ZNF397: variants seen among roughly 807,000 people sequenced by gnomAD.
The protein encoded by ZNF397 is zinc finger protein 397.
Under a neutral mutation model 50.6 loss-of-function variants are expected in ZNF397, and 38 were observed. That is an observed-to-expected ratio of 0.75 (90% CI 0.58 to 0.98). The LOEUF is 0.98. Among genes scored for constraint, ZNF397 ranks in the 50% least tolerant of loss-of-function variants. The pLI is 0.00. For synonymous variants in ZNF397, 228 were observed against 215.2 expected, an observed-to-expected ratio of 1.06 and a Z score of -0.52; for missense variants, 624 against 624.1, an observed-to-expected ratio of 1.00 and a Z score of 0.00.
At chr18:35,256,262 A>C (rs1383322352) in intron 5 of ZNF397, 2 of 152,240 alleles carry the variant, frequency 1.3e-5, no homozygotes, top group Non-Finnish European at 2.9e-5. Flanking sequence ...AGACAAATAG[A>C]GATTACAAGT....
chr18:35,245,781 A>G lies in ZNF397; in HGVS notation c.1076A>G (p.His359Arg), dbSNP rs779267478. ...AATCAGAGCTCAGCCCTCATTAGAC[A>G]TCGGAAAATCCATACTGGTGAGAAA... is the stretch of plus-strand genomic sequence containing the variant. ...AFNQSSALIR[H>R]RKIHTGEKAC... The change falls in exon 4 of 4, where the codon CAT (histidine) becomes CGT (arginine). Residue 359 changes from histidine (H) to arginine (R), a missense_variant. By Grantham distance (29) the His-to-Arg change is conservative. Transcript: ENST00000330501. 35 of 1,552,122 alleles carry G rather than the reference A, an allele frequency of 2.3e-5. No individual in the cohort carries two copies. Among genetic ancestry groups the G allele is most frequent in the African/African-American group, 5.5e-5 (4 of 73,070 alleles).
chr18:35,247,077 C>G lies in ZNF397; in HGVS notation c.*767C>G. ...AAGGTGGTACTCTAGGGAAGTGGTA[C>G]CCCAGTAAAGAACAGTAGCCAAAGG... On this transcript the variant is annotated 3_prime_UTR_variant, in exon 4 of 4. Transcript: ENST00000330501. 1.0e-6 allele frequency: 1 copy of G among 984,258 alleles called. No individual in the cohort carries two copies. Among genetic ancestry groups the G allele is most frequent in the Non-Finnish European group, 1.2e-6 (1 of 829,012 alleles). 61.0% of individuals were successfully genotyped at this position (984,258 alleles called of 1,614,324 possible). A position where few individuals can be genotyped will look rare whatever the true frequency, so the allele number is the denominator to read the frequency against.
downstream of ZNF397, chr18:35,259,211 TGAGA>T (rs1412558209): frequency 1.3e-5 from 2 of 152,146 alleles, no homozygotes; most frequent in Non-Finnish European, 2.9e-5. Context: ...TTGTTGTTGT[TGAGA>T]TAGTCTCACT....
In ZNF397 at chr18:35,246,424, G is replaced by A; in HGVS notation, c.*114G>A. 1 of 1,452,424 alleles carries A rather than the reference G, an allele frequency of 6.9e-7. No homozygotes were observed. Among genetic ancestry groups the A allele is most frequent in the East Asian group, 2.5e-5 (1 of 40,120 alleles). The allele number at this position is 1,452,424 out of a possible 1,614,324, so 90.0% of individuals were successfully genotyped here. ...AAGGTTATAAAATACTAGGTCTTGA[G>A]TCTAGCTTGCTTTGTGCAGCATTTC... On this transcript the variant is annotated 3_prime_UTR_variant, in exon 4 of 4. Transcript: ENST00000330501.
rs1912598668 is a variant in ZNF397 at position 35,242,614 on chromosome 18, G to A, written c.144G>A (p.Leu48=). Reference sequence around the variant, plus strand: ...GGAGTACTCAATCCTGCCAAGAATTGTTTCGTCAGCAATTCAGAAAATTTT... The same window carrying A: ...GGAGTACTCAATCCTGCCAAGAATTATTTCGTCAGCAATTCAGAAAATTTT... The part of the protein sequence containing the change: ...QNGSTQSCQE[L]FRQQFRKFCY... Residue 48 remains leucine, a synonymous_variant, in exon 2 of 4, where the codon TTG becomes TTA. Coordinates refer to ENST00000330501, the MANE Select transcript of ZNF397 (RefSeq NM_001135178.3). The A allele has an allele frequency of 6.2e-7, 1 of 1,614,232 alleles. No homozygotes were observed. Among genetic ancestry groups the A allele is most frequent in the Non-Finnish European group, 8.5e-7 (1 of 1,180,036 alleles).
intron 5 of ZNF397, chr18:35,254,963 C>T (rs921971459): frequency 1.3e-5 from 2 of 154,254 alleles, no homozygotes; most frequent in Non-Finnish European, 2.9e-5. Flanking sequence ...GACACAGACC[C>T]AGAGAAAAGA....
Position 35,248,676 on chromosome 18 carries a change from A to G in ZNF397, c.*2366A>G. ...GGCAGCATAGTGAGACCCCATCTCT[A>G]CAAAAAATAAACAGAATTTGCCAGA... is the stretch of plus-strand genomic sequence containing the variant. On this transcript the variant is annotated 3_prime_UTR_variant, in exon 4 of 4. Transcript: ENST00000330501. The G allele has an allele frequency of 6.6e-6, 1 of 152,104 alleles. No individual in the cohort carries two copies. The highest frequency in any genetic ancestry group is 1.5e-5 in the Non-Finnish European group (1 of 68,036). 9.4% of individuals were successfully genotyped at this position (152,104 alleles called of 1,614,324 possible).
At position 35,245,246 on chromosome 18, in the gene ZNF397, C is replaced by G; in HGVS notation, c.557-16C>G. ...GAGAAATGTAATATCTGTTTTTTTG[C>G]TACTTATTGTTTCAGATTGTGAGAA... On this transcript the variant is annotated splice_polypyrimidine_tract_variant and intron_variant, in intron 3 of 3. Transcript: ENST00000330501. 3 of 1,559,686 alleles carry G rather than the reference C, an allele frequency of 1.9e-6. No homozygotes were observed. The highest frequency in any genetic ancestry group is 2.6e-6 in the Non-Finnish European group (3 of 1,153,776).
rs949810679 is a variant in ZNF397, at chr18:35,248,843, CAAAA to C, written c.*2539_*2542del. The C allele has an allele frequency of 6.7e-6, 1 of 148,204 alleles. No homozygotes were observed. Among genetic ancestry groups the C allele is most frequent in the African/African-American group, 2.5e-5 (1 of 40,220 alleles). 9.2% of individuals were successfully genotyped at this position (148,204 alleles called of 1,614,324 possible). ...GGAGAGCAAGACCCTGTCTCCAAAC[CAAAA>C]AAAAAGGAAAAAAGTAAATGTAATA... On this transcript the variant is annotated 3_prime_UTR_variant, in exon 4 of 4. Transcript: ENST00000330501.
downstream of ZNF397, chr18:35,258,773 G>A (rs1163418828): frequency 6.7e-6 from 1 of 148,666 alleles, no homozygotes; most frequent in Non-Finnish European, 1.5e-5. Flanking sequence ...GGGAGGCTGA[G>A]GCAGGAGAAT....
chr18:35,246,912 G>T lies in ZNF397; in HGVS notation c.*602G>T. On this transcript the variant is annotated 3_prime_UTR_variant, in exon 4 of 4. Transcript: ENST00000330501. ...TAGGAATACAGTGGAAAACAAGACT[G>T]TAGTCTCTACAGTCTAATGGGCAAG... is the stretch of plus-strand genomic sequence containing the variant. 1.0e-6 allele frequency: 1 copy of T among 957,674 alleles called. No homozygotes were observed. Among genetic ancestry groups the T allele is most frequent in the Non-Finnish European group, 1.2e-6 (1 of 804,746 alleles). The allele number at this position is 957,674 out of a possible 1,614,324, so 59.3% of individuals were successfully genotyped here. A position where few individuals can be genotyped will look rare whatever the true frequency, so the allele number is the denominator to read the frequency against.
rs960129639 is a variant in ZNF397 at position 35,246,137 on chromosome 18, G to T, written c.1432G>T (p.Glu478Ter). 1.3e-6 allele frequency: 2 copies of T among 1,551,414 alleles called. No individual in the cohort carries two copies. Among genetic ancestry groups the T allele is most frequent in the East Asian group, 4.9e-5 (2 of 40,906 alleles). Residue 478 changes from glutamate (E) to a stop codon, truncating the protein, a stop_gained, in exon 4 of 4, where the codon GAG becomes TAG. Transcript: ENST00000330501. LOFTEE classifies it high-confidence loss of function. ...LIRHQRIHSG[E>*]EPYQCNECGK... is the part of the protein sequence containing the mutation. ...CAGACATCAGAGAATTCATAGTGGG[G>T]AGGAACCTTATCAGTGTAATGAATG... is the stretch of plus-strand genomic sequence containing the variant.
At position 35,245,611 on chromosome 18, in the gene ZNF397, ACAT is replaced by A. The variant is rs2043464639; in HGVS notation, c.909_911del (p.His303del). 6.4e-7 allele frequency: 1 copy of A among 1,554,348 alleles called. No individual in the cohort carries two copies. Among genetic ancestry groups the A allele is most frequent in the Non-Finnish European group, 8.7e-7 (1 of 1,148,312 alleles). On this transcript the variant is annotated inframe_deletion, in exon 4 of 4. Transcript: ENST00000330501. Reference sequence around the variant, plus strand: ...TCAAGCAGCATTCCTCTCTAACACAACATCAGAGAATCCATACTGGAGAAAAGC... The same window carrying A: ...TCAAGCAGCATTCCTCTCTAACACAACAGAGAATCCATACTGGAGAAAAGC...
chr18:35,254,767 A>G, downstream of ZNF397: 1 of 308,306 alleles, frequency 3.2e-6, no homozygotes. Context: ...CAGGATAAAG[A>G]AAGATATCTA....
chr18:35,243,802 C>G, intron 3 of ZNF397: 1 of 191,382 alleles, frequency 5.2e-6, no homozygotes, highest in Non-Finnish European at 1.1e-5. Flanking sequence ...AAAGGCCATA[C>G]CATCCCGAAG....
intron 5 of ZNF397, chr18:35,255,871 A>G (rs1329766097): frequency 1.9e-5 from 3 of 154,392 alleles, no homozygotes; most frequent in Non-Finnish European, 4.4e-5. Context: ...TGAAAAATAT[A>G]CTTGCATACA....
chr18:35,241,567 A>G (rs577624575), intron 1 of ZNF397: 88 of 152,306 alleles, frequency 5.8e-4, no homozygotes, highest in African/African-American at 2.1e-3. Context: ...TTTAATACCT[A>G]TTTGTTACCA....
At chr18:35,253,938 C>T (rs746342504), downstream of ZNF397, 5 of 1,614,090 alleles carry the variant, frequency 3.1e-6, no homozygotes, top group Non-Finnish European at 4.2e-6. Flanking sequence ...TTGCCACATT[C>T]TTTACATGCA....
At position 35,248,525 on chromosome 18, in the gene ZNF397, C is replaced by G. The variant is rs1281329385; in HGVS notation, c.*2215C>G. The G allele has an allele frequency of 6.6e-6, 1 of 152,140 alleles. No homozygotes were observed. The highest frequency in any genetic ancestry group is 1.5e-5 in the Non-Finnish European group (1 of 68,032). The allele number at this position is 152,140 out of a possible 1,614,324, so 9.4% of individuals were successfully genotyped here. On this transcript the variant is annotated 3_prime_UTR_variant, in exon 4 of 4. Transcript: ENST00000330501. ...CGGAAATACTCTTTATATAAGAAAGCTCTACTGTATGTCAGAAAGCAATGT... is the reference window on the plus strand; with the variant it reads ...CGGAAATACTCTTTATATAAGAAAGGTCTACTGTATGTCAGAAAGCAATGT...
Sources: gnomAD v4.1 joint callset for allele counts on GRCh38, gnomAD v4.1.1 for gene constraint, MANE v1.5 for transcripts, NCBI Gene and HGNC (gene_info 2026-07-23, HGNC 2026-07-21) for gene names.